Variants in DHX8 observed in about 807,000 individuals in gnomAD.
DHX8 encodes the protein ATP-dependent RNA helicase DHX8.
DHX8 carries 67 observed loss-of-function variants against 140.7 expected under a neutral mutation model. That is an observed-to-expected ratio of 0.48 (90% confidence interval 0.39 to 0.58). The LOEUF (loss-of-function observed/expected upper bound fraction) is 0.58. Ranked by LOEUF, DHX8 falls within the 20% of genes least tolerant of loss-of-function variation. DHX8 has a pLI of 0.00. For synonymous variants in DHX8, 533 were observed against 553.2 expected (o/e 0.96, Z 0.51); for missense variants, 887 against 1,550.7 (o/e 0.57, Z 7.19).
At position 43,508,461 on chromosome 17, in the gene DHX8, G is replaced by C; in HGVS notation, c.2443G>C (p.Ala815Pro). The stretch of plus-strand genomic sequence containing the variant: ...GTTAATTATCCTCCCAGTGTACTCT[G>C]CTCTTCCCAGTGAGATGCAGACCCG... ...PELIILPVYS[A>P]LPSEMQTRIF... Residue 815 changes from alanine to proline, a missense_variant, in exon 16 of 23, where the codon GCT (alanine) becomes CCT (proline). Physicochemically the swap from Ala to Pro is conservative, Grantham distance 27. Coordinates refer to ENST00000262415, the MANE Select transcript of DHX8 (RefSeq NM_004941.3). The C allele has an allele frequency of 6.2e-7, 1 of 1,613,830 alleles. No individual in the cohort carries two copies.
intron 19 of DHX8, 44 bp downstream of exon 19, chr17:43,520,311 T>C: frequency 6.2e-7 from 1 of 1,604,474 alleles, no homozygotes; most frequent in Non-Finnish European, 8.5e-7. Context: ...GAAGATTCCC[T>C]GGTCAGCCTT....
chr17:43,502,052 G>A (rs960211321), intron 11 of DHX8, among the ~76,000 whole-genome samples: 2 of 152,212 alleles, frequency 1.3e-5, no homozygotes, highest in South Asian at 4.1e-4. Context: ...TGAATGATGG[G>A]AACACTGGAG....
chr17:43,490,308 C>A, intron 2 of DHX8, 83 bp from the exon 3 acceptor site: 1 of 1,058,368 alleles, frequency 9.4e-7, no homozygotes, highest in Non-Finnish European at 1.4e-6. Context: ...CCACCCTTCC[C>A]TACAGGACAT....
At chr17:43,529,789 T>C, downstream of DHX8, 2 of 1,598,536 alleles carry the variant, frequency 1.3e-6, no homozygotes, top group Non-Finnish European at 1.7e-6. Flanking sequence ...TTTCTATGGG[T>C]CCCACCCTCT....
intron 16 of DHX8, among the ~76,000 whole-genome samples, chr17:43,511,429 G>T (rs759102314): frequency 7.1e-6 from 1 of 141,114 alleles, no homozygotes; most frequent in Admixed American, 7.4e-5. Context: ...TGAGCCAGGC[G>T]CAGTGGCTTA....
At chr17:43,514,609 C>T (rs1320974059) in intron 17 of DHX8, among the ~76,000 whole-genome samples, 1 of 152,020 alleles carries the variant, frequency 6.6e-6, no homozygotes, top group African/African-American at 2.4e-5. Context: ...AACAGTATAT[C>T]CAAAACTTAA....
downstream of DHX8, chr17:43,529,430 A>T: frequency 6.6e-7 from 1 of 1,524,028 alleles, no homozygotes; most frequent in Non-Finnish European, 8.9e-7. Context: ...GGCACGTGCC[A>T]CCATTTCCCA....
Position 43,525,078 on chromosome 17 carries a change from G to A in DHX8, c.*1231G>A, listed in dbSNP as rs1433686859. 2 of 985,346 alleles carry A rather than the reference G, an allele frequency of 2.0e-6. No individual in the cohort carries two copies. Among genetic ancestry groups the A allele is most frequent in the Non-Finnish European group, 2.4e-6 (2 of 830,004 alleles). The allele number at this position is 985,346 out of a possible 1,614,324, so 61.0% of individuals were successfully genotyped here. On this transcript the variant is annotated 3_prime_UTR_variant, in exon 23 of 23. Coordinates refer to ENST00000262415, the MANE Select transcript of DHX8 (RefSeq NM_004941.3). ...CAAAGCGCTGGGATTACAGTTGAGA[G>A]CCACTGTCCTCTGCACTGAGGAGGC...
Position 43,523,989 on chromosome 17 carries a change from C to T in DHX8, c.*142C>T. 2 of 1,449,834 alleles carry T rather than the reference C, an allele frequency of 1.4e-6. No homozygotes were observed. The highest frequency in any genetic ancestry group is 2.6e-5 in the Admixed American group (1 of 38,142). 89.8% of individuals were successfully genotyped at this position (1,449,834 alleles called of 1,614,324 possible). On this transcript the variant is annotated 3_prime_UTR_variant, in exon 23 of 23. Coordinates refer to ENST00000262415, the MANE Select transcript of DHX8 (RefSeq NM_004941.3). ...TTCTCAACTCGACTCTCATTTCTTC[C>T]CTGCTGGTAAAATAGAAACAGGGAT...
chr17:43,485,061 T>C (rs1201524536), intron 1 of DHX8, among the ~76,000 whole-genome samples: 1 of 152,170 alleles, frequency 6.6e-6, no homozygotes, highest in Non-Finnish European at 1.5e-5. Context: ...ATGGAGCCTT[T>C]ATGAAGGTAC....
chr17:43,539,259 T>G (rs1276802285), intron 3 of DHX8, among the ~76,000 whole-genome samples: 1 of 152,198 alleles, frequency 6.6e-6, no homozygotes, highest in Non-Finnish European at 1.5e-5. Context: ...GTCTCCTTTC[T>G]AGCCCTCAAA....
At chr17:43,500,507 GT>G (rs1286155665) in intron 11 of DHX8, among the ~76,000 whole-genome samples, 1 of 151,708 alleles carries the variant, frequency 6.6e-6, no homozygotes, top group African/African-American at 2.4e-5. Context: ...TTTACCCTTG[GT>G]TTTTCACTTC....
At chr17:43,529,117 T>C (rs1970744927), downstream of DHX8, 1 of 1,612,660 alleles carries the variant, frequency 6.2e-7, no homozygotes, top group Non-Finnish European at 8.5e-7. Flanking sequence ...ACCTTGTCCC[T>C]AGACCCACAG....
chr17:43,523,582 G>A (rs1380296533), intron 22 of DHX8, 46 bp from the exon 23 acceptor site: 1 of 1,606,624 alleles, frequency 6.2e-7, no homozygotes. Context: ...ACTGTAGAGT[G>A]GGGCCTATAT....
At chr17:43,541,743 C>G (rs762588122) in intron 3 of DHX8, among the ~76,000 whole-genome samples, 3 of 152,122 alleles carry the variant, frequency 2.0e-5, no homozygotes, top group Non-Finnish European at 4.4e-5. Flanking sequence ...TCACCGCTGT[C>G]CCTTACCCTG....
Position 43,523,793 on chromosome 17 carries a change from C to T in DHX8, c.3609C>T (p.Asn1203=). ...AACAGCGTCTTGAACCCTTGTACAA[C>T]CGCTATGAGGAACCCAATGCCTGGA... ...KKQQRLEPLY[N]RYEEPNAWRI... The change falls in exon 23 of 23, where the codon AAC becomes AAT. Residue 1203 remains asparagine (N), a synonymous_variant. Coordinates refer to ENST00000262415, the MANE Select transcript of DHX8 (RefSeq NM_004941.3). The T allele has an allele frequency of 6.2e-7, 1 of 1,614,200 alleles. No individual in the cohort carries two copies. The highest frequency in any genetic ancestry group is 8.5e-7 in the Non-Finnish European group (1 of 1,180,048).
At chr17:43,532,329 T>G (rs1031887602) in intron 2 of DHX8, among the ~76,000 whole-genome samples, 7 of 151,998 alleles carry the variant, frequency 4.6e-5, no homozygotes, top group African/African-American at 1.5e-4. Flanking sequence ...CGAAACCCCA[T>G]CTCTACTAAA....
chr17:43,495,476 C>T (rs978434827), intron 8 of DHX8, among the ~76,000 whole-genome samples: 1 of 151,988 alleles, frequency 6.6e-6, no homozygotes, highest in Non-Finnish European at 1.5e-5. Flanking sequence ...ACAGTCTTGC[C>T]GTGTTACCAG....
At chr17:43,509,197 C>G (rs76906520) in intron 16 of DHX8, among the ~76,000 whole-genome samples, 2,662 of 152,242 alleles carry the variant, frequency 0.017, 78 homozygotes, top group African/African-American at 0.06. Flanking sequence ...CGGGAGCACC[C>G]AACCCTGTCT....
Sources: gnomAD v4.1 joint callset for allele counts (sites outside exome capture counted in the v4.1 genomes callset) on GRCh38, gnomAD v4.1.1 for gene constraint, MANE v1.5 for transcripts, NCBI Gene and HGNC (gene_info 2026-07-23, HGNC 2026-07-21) for gene names.